The following FAM184B variants were observed in gnomAD, a reference collection of about 807,000 sequenced individuals.
The protein encoded by FAM184B is protein FAM184B.
In FAM184B, 111 loss-of-function variants were observed where a neutral mutation model predicts 135.9. That is an observed-to-expected ratio of 0.82 (90% CI 0.70 to 0.96). The LOEUF is 0.96. Ranked by LOEUF, FAM184B falls within the 40% of genes least tolerant of loss-of-function variation. FAM184B has a pLI of 0.00. For missense variants in FAM184B, 1,375 were observed against 1,323.9 expected (o/e 1.04, Z -0.60); for synonymous variants, 552 against 524.8 (o/e 1.05, Z -0.71).
intron 1 of FAM184B, among the ~76,000 whole-genome samples, chr4:17,767,331 T>TAGGGCTGCC (rs1488282424): frequency 1.6e-4 from 24 of 152,208 alleles, no homozygotes; most frequent in Non-Finnish European, 3.2e-4. Flanking sequence ...CCGAGCCAGC[T>TAGGGCTGCC]AGGGCTGCCA....
At chr4:17,776,305 G>A (rs1365720036) in intron 1 of FAM184B, among the ~76,000 whole-genome samples, 1 of 152,188 alleles carries the variant, frequency 6.6e-6, no homozygotes, top group East Asian at 1.9e-4. Flanking sequence ...AGTTTACTGA[G>A]GATCTACTAT....
At chr4:17,653,093 C>G in intron 10 of FAM184B, 110 bp from the exon 11 acceptor site, 1 of 1,037,696 alleles carries the variant, frequency 9.6e-7, no homozygotes, top group African/African-American at 1.6e-5. Flanking sequence ...CTCGCACTCT[C>G]CCATGGAGGG....
Position 17,642,080 on chromosome 4 carries a change from G to A in FAM184B, c.2495C>T (p.Ala832Val), listed in dbSNP as rs1212018917. The change falls in exon 13 of 18, where the codon GCG (alanine) becomes GTG (valine). Residue 832 changes from alanine to valine, a missense_variant. Ala to Val is a moderately conservative substitution (Grantham distance 64, BLOSUM62 0). Coordinates refer to ENST00000265018, the MANE Select transcript of FAM184B (RefSeq NM_015688.2). ...RAEVEQHQQE[A>V]QKLRDQRRFL... Reference sequence around the variant, plus strand: ...CCTGCGCTGGTCTCGGAGCTTCTGCGCCTCCTGCTGATGCTGCTCCACCTC... The same window carrying A: ...CCTGCGCTGGTCTCGGAGCTTCTGCACCTCCTGCTGATGCTGCTCCACCTC... The A allele has an allele frequency of 5.2e-6, 8 of 1,531,574 alleles. No homozygotes were observed. The highest frequency in any genetic ancestry group is 2.0e-5 in the Admixed American group (1 of 50,794). 94.9% of individuals were successfully genotyped at this position (1,531,574 alleles called of 1,614,324 possible).
intron 7 of FAM184B, among the ~76,000 whole-genome samples, chr4:17,666,895 T>C (rs1272873158): frequency 6.6e-6 from 1 of 151,986 alleles, no homozygotes; most frequent in African/African-American, 2.4e-5. Flanking sequence ...CCACTCCAGA[T>C]AGCAGGGGGA....
At chr4:17,761,796 C>T (rs1718551557) in intron 1 of FAM184B, among the ~76,000 whole-genome samples, 1 of 152,214 alleles carries the variant, frequency 6.6e-6, no homozygotes, top group African/African-American at 2.4e-5. Flanking sequence ...GCTGGGATTA[C>T]AGGCATGAGT....
At chr4:17,695,987 A>G (rs555648913) in intron 5 of FAM184B, among the ~76,000 whole-genome samples, 1 of 152,306 alleles carries the variant, frequency 6.6e-6, no homozygotes, top group South Asian at 2.1e-4. Context: ...TGTGAATTAG[A>G]GGTTACAATA....
chr4:17,699,788 A>G (rs888007387), intron 5 of FAM184B, among the ~76,000 whole-genome samples: 9 of 152,010 alleles, frequency 5.9e-5, no homozygotes, highest in African/African-American at 2.2e-4. Flanking sequence ...TGGGAAAATG[A>G]CCCTTTTTTC....
At chr4:17,643,881 T>A (rs1715393360) in intron 12 of FAM184B, among the ~76,000 whole-genome samples, 1 of 152,072 alleles carries the variant, frequency 6.6e-6, no homozygotes, top group Admixed American at 6.6e-5. Flanking sequence ...CTCAAAAGAC[T>A]CCTGATCCAG....
chr4:17,780,593 T>C (rs374194860), intron 1 of FAM184B, among the ~76,000 whole-genome samples: 2 of 152,122 alleles, frequency 1.3e-5, no homozygotes, highest in Admixed American at 1.3e-4. Flanking sequence ...AGGTCCTTCC[T>C]AATCCCATAG....
chr4:17,734,257 T>G (rs367621627), intron 1 of FAM184B, among the ~76,000 whole-genome samples: 158 of 152,074 alleles, frequency 1.0e-3, no homozygotes, highest in Middle Eastern at 0.01. Flanking sequence ...ATACCATTCA[T>G]GACATAGGCA....
chr4:17,710,400 C>T (rs1717238536), intron 1 of FAM184B, among the ~76,000 whole-genome samples: 1 of 152,140 alleles, frequency 6.6e-6, no homozygotes, highest in African/African-American at 2.4e-5. Context: ...ACTTGAAAAT[C>T]AGCTAATGTA....
chr4:17,742,691 G>A (rs924177414), intron 1 of FAM184B, among the ~76,000 whole-genome samples: 6 of 152,196 alleles, frequency 3.9e-5, no homozygotes, highest in Admixed American at 1.3e-4. Flanking sequence ...CAGACAGTGC[G>A]GCTTCAGGGA....
chr4:17,634,754 C>A (rs968044786), intron 16 of FAM184B, among the ~76,000 whole-genome samples: 1 of 152,028 alleles, frequency 6.6e-6, no homozygotes, highest in Non-Finnish European at 1.5e-5. Flanking sequence ...TACTCTTCTC[C>A]CTCCCATCAC....
intron 3 of FAM184B, among the ~76,000 whole-genome samples, chr4:17,706,423 C>G (rs1717119977): frequency 6.6e-6 from 1 of 152,140 alleles, no homozygotes; most frequent in Admixed American, 6.5e-5. Flanking sequence ...TGGGCCATGT[C>G]TAGATACCAA....
chr4:17,733,703 T>C lies in FAM184B; in HGVS notation c.142-24059A>G, dbSNP rs184535830. ...GAGGATACAAACAAATGGAAGAACA[T>C]TCCATGCTCATGGGTAGGAAGAATC... On this transcript the variant is annotated intron_variant, in intron 1 of 17. Transcript: ENST00000265018. Among the ~76,000 whole-genome samples the C allele has an allele frequency of 5.4e-4, 82 of 152,276 alleles. 2 individuals are homozygous for C. The East Asian group carries it at 9.4e-3, about 18-fold the overall frequency.
intron 1 of FAM184B, among the ~76,000 whole-genome samples, chr4:17,780,315 T>C (rs1719010338): frequency 6.6e-6 from 1 of 152,166 alleles, no homozygotes; most frequent in East Asian, 1.9e-4. Flanking sequence ...CAGGAGTTTA[T>C]TATGAGACCG....
intron 1 of FAM184B, among the ~76,000 whole-genome samples, chr4:17,779,037 G>A (rs1328987444): frequency 6.6e-6 from 1 of 152,120 alleles, no homozygotes; most frequent in Non-Finnish European, 1.5e-5. Context: ...AATAAAAGAC[G>A]ATTCTGAGAA....
Position 17,739,555 on chromosome 4 carries a change from G to GTTTTTTTTTGTTTTTTTTT in FAM184B, c.142-29912_142-29911insAAAAAAAAACAAAAAAAAA, listed in dbSNP as rs1553841417. On this transcript the variant is annotated intron_variant, in intron 1 of 17. Coordinates refer to ENST00000265018, the MANE Select transcript of FAM184B (RefSeq NM_015688.2). ...CCCTACACCATATGTCATACCAACT[G>GTTTTTTTTTGTTTTTTTTT]TTTTTTTTTTTTTTTTGAGATGGGG... Among the ~76,000 whole-genome samples, 5 of 62,508 alleles carry GTTTTTTTTTGTTTTTTTTT rather than the reference G, an allele frequency of 8.0e-5. 2 individuals are homozygous for GTTTTTTTTTGTTTTTTTTT. The highest frequency in any genetic ancestry group is 3.1e-4 in the African/African-American group (5 of 16,252). The allele number at this position is 62,508 out of a possible 152,430, so 41.0% of individuals were successfully genotyped here.
At chr4:17,632,665 C>T (rs1053433076) in intron 17 of FAM184B, 40 bp from the exon 18 acceptor site, 65 of 1,382,270 alleles carry the variant, frequency 4.7e-5, no homozygotes, top group Non-Finnish European at 6.0e-5. Context: ...GTTTTGAAAA[C>T]TATGCAAGAA....
Sources: gnomAD v4.1 joint callset for allele counts (sites outside exome capture counted in the v4.1 genomes callset) on GRCh38, gnomAD v4.1.1 for gene constraint, MANE v1.5 for transcripts, NCBI Gene and HGNC (gene_info 2026-07-23, HGNC 2026-07-21) for gene names.